Variants in RREB1 observed in about 807,000 individuals in gnomAD.
RREB1 encodes the protein ras responsive element binding protein 1.
A neutral mutation model predicts 117.8 loss-of-function variants in RREB1; 27 were observed. The observed-to-expected ratio is 0.23, with a 90% CI of 0.17 to 0.32. The LOEUF (loss-of-function observed/expected upper bound fraction) is 0.32, where lower values mean the gene tolerates loss of function less well. Ranked by LOEUF, RREB1 falls within the 10% of genes least tolerant of loss-of-function variation. The pLI is 1.00. For missense variants in RREB1, 2,577 were observed against 2,378.2 expected (o/e 1.08, Z -1.74); for synonymous variants, 1,298 against 1,026.7 (o/e 1.26, Z -5.05).
At chr6:7,148,255 C>G (rs891408999) in intron 1 of RREB1, among the ~76,000 whole-genome samples, 1 of 152,132 alleles carries the variant, frequency 6.6e-6, no homozygotes, top group Non-Finnish European at 1.5e-5. Context: ...CCCTGGCCAC[C>G]TTGTCTCACA....
chr6:7,160,892 G>A (rs1172078592), intron 1 of RREB1, among the ~76,000 whole-genome samples: 1 of 152,000 alleles, frequency 6.6e-6, no homozygotes, highest in Non-Finnish European at 1.5e-5. Context: ...CACTTTGTTG[G>A]CCAGGATGGT....
intron 1 of RREB1, among the ~76,000 whole-genome samples, chr6:7,161,764 C>A (rs1047439227): frequency 6.6e-6 from 1 of 152,216 alleles, no homozygotes; most frequent in South Asian, 2.1e-4. Flanking sequence ...CCTTCATTCT[C>A]GACGCCTGCC....
At chr6:7,136,754 C>A (rs1762363558) in intron 1 of RREB1, among the ~76,000 whole-genome samples, 1 of 152,136 alleles carries the variant, frequency 6.6e-6, no homozygotes, top group South Asian at 2.1e-4. Flanking sequence ...GCATAAATAT[C>A]TTTATTCAGG....
chr6:7,159,327 G>A (rs930790028), intron 1 of RREB1, among the ~76,000 whole-genome samples: 5 of 152,080 alleles, frequency 3.3e-5, no homozygotes, highest in African/African-American at 1.2e-4. Flanking sequence ...GCCTAGATGT[G>A]TTCACAGTCA....
chr6:7,220,934 G>A (rs1274381708), intron 8 of RREB1, among the ~76,000 whole-genome samples: 1 of 152,182 alleles, frequency 6.6e-6, no homozygotes, highest in Non-Finnish European at 1.5e-5. Context: ...AGCCGGCTTT[G>A]CATCCAGCAG....
At chr6:7,133,311 T>G (rs975302110) in intron 1 of RREB1, among the ~76,000 whole-genome samples, 2 of 152,190 alleles carry the variant, frequency 1.3e-5, no homozygotes, top group Non-Finnish European at 2.9e-5. Context: ...TGTATGAACT[T>G]TTGTGGTGGA....
intron 1 of RREB1, among the ~76,000 whole-genome samples, chr6:7,141,196 G>C (rs919797003): frequency 1.3e-5 from 2 of 152,116 alleles, no homozygotes; most frequent in African/African-American, 2.4e-5. Context: ...CCATCAGTCA[G>C]GGCGGCGGGC....
intron 1 of RREB1, among the ~76,000 whole-genome samples, chr6:7,163,908 G>C (rs1581475033): frequency 6.6e-6 from 1 of 152,234 alleles, no homozygotes; most frequent in Non-Finnish European, 1.5e-5. Context: ...GGTTGTTCCT[G>C]ACTTCGTGGC....
rs1192049045 is a variant in RREB1 at position 7,134,071 on chromosome 6, G to A, written c.-285+26011G>A. On this transcript the variant is annotated intron_variant, in intron 1 of 12. Coordinates refer to ENST00000379938, the MANE Select transcript of RREB1 (RefSeq NM_001003699.4). Reference sequence around the variant, plus strand: ...CATAGGCTAATGTTATAATTATTTTGCATTCCCTGGGCACTCATTGTGTGA... The same window carrying A: ...CATAGGCTAATGTTATAATTATTTTACATTCCCTGGGCACTCATTGTGTGA... 3.3e-5 allele frequency among the ~76,000 whole-genome samples: 5 copies of A among 152,214 alleles called. No individual in the cohort carries two copies. In the East Asian group the frequency reaches 7.7e-4, roughly 23 times the overall value.
rs766450653 is a variant in RREB1, at chr6:7,230,959, A to G, written c.2860A>G (p.Ser954Gly). 2.5e-6 allele frequency: 4 copies of G among 1,614,044 alleles called. No individual in the cohort carries two copies. The East Asian group carries it at 6.7e-5, about 27-fold the overall frequency. Residue 954 changes from serine (S) to glycine (G), a missense_variant, in exon 10 of 13, where the codon AGC becomes GGC. Physicochemically the swap from Ser to Gly is moderately conservative, Grantham distance 56. Transcript: ENST00000379938. ...AGGGGACAAGGATTTGGCCACTCCCAGCGAAGCCAAGAAGCCTGAGGAGGA... is the reference window on the plus strand; with the variant it reads ...AGGGGACAAGGATTTGGCCACTCCCGGCGAAGCCAAGAAGCCTGAGGAGGA... ...RKGDKDLATP[S>G]EAKKPEEEAG...
intron 1 of RREB1, among the ~76,000 whole-genome samples, chr6:7,170,652 G>A (rs1048489929): frequency 6.6e-6 from 1 of 152,222 alleles, no homozygotes; most frequent in Non-Finnish European, 1.5e-5. Context: ...ATGTGTGTTT[G>A]TTCCTGAGGA....
At chr6:7,217,656 T>C (rs2113039576) in intron 8 of RREB1, 1 of 152,318 alleles carries the variant, frequency 6.6e-6, no homozygotes, top group African/African-American at 2.4e-5. Flanking sequence ...TTGAAGGCTG[T>C]TGTGAGGATG....
In RREB1 at chr6:7,230,315, G is replaced by C; in HGVS notation, c.2216G>C (p.Ser739Thr). 5 of 1,589,736 alleles carry C rather than the reference G, an allele frequency of 3.1e-6. No homozygotes were observed. Among genetic ancestry groups the C allele is most frequent in the Non-Finnish European group, 4.3e-6 (5 of 1,173,150 alleles). ...DIEKNIEYVS[S>T]SAAELVDAFC... The stretch of plus-strand genomic sequence containing the variant: ...GAGAAGAACATCGAGTATGTGAGTA[G>C]CAGCGCGGCCGAGCTGGTGGACGCC... Residue 739 changes from serine to threonine, a missense_variant, in exon 10 of 13, where the codon AGC becomes ACC. Transcript: ENST00000379938.
rs368606725 is a variant in RREB1 at position 7,229,384 on chromosome 6, G to T, written c.1285G>T (p.Ala429Ser). ...AGGCGGTTCTCTCACAGTTCTCCCC[G>T]CGACCAAGGACAGCATAAAGCACCT... Reference protein sequence around the residue: ...SLGGSLTVLPATKDSIKHLSL... With the variant: ...SLGGSLTVLPSTKDSIKHLSL... Residue 429 changes from alanine to serine, a missense_variant, in exon 10 of 13, where the codon GCG becomes TCG. By Grantham distance (99) the Ala-to-Ser change is moderately conservative. Transcript: ENST00000379938. The surrounding 1 kb of genome is among the most constrained non-coding windows in gnomAD (Gnocchi z 4.5). 1 of 1,613,956 alleles carries T rather than the reference G, an allele frequency of 6.2e-7. No individual in the cohort carries two copies. The highest frequency in any genetic ancestry group is 8.5e-7 in the Non-Finnish European group (1 of 1,179,960).
At chr6:7,134,937 C>T (rs1762289942) in intron 1 of RREB1, among the ~76,000 whole-genome samples, 1 of 152,224 alleles carries the variant, frequency 6.6e-6, no homozygotes, top group Admixed American at 6.5e-5. Context: ...GTTTCCAGAG[C>T]AGCCCTTGAT....
chr6:7,162,044 C>T (rs1763694212), intron 1 of RREB1, among the ~76,000 whole-genome samples: 1 of 152,182 alleles, frequency 6.6e-6, no homozygotes, highest in Non-Finnish European at 1.5e-5. Flanking sequence ...CAGCATCATT[C>T]TGCCAGCCGC....
At chr6:7,206,197 G>A (rs1766261663) in intron 6 of RREB1, among the ~76,000 whole-genome samples, 2 of 152,238 alleles carry the variant, frequency 1.3e-5, no homozygotes, top group Non-Finnish European at 2.9e-5. Context: ...TGTAGGTATT[G>A]TTTTGAATGA....
chr6:7,240,247 T>C (rs1344154634), intron 10 of RREB1, among the ~76,000 whole-genome samples, 191 bp from the exon 11 acceptor site: 1 of 152,032 alleles, frequency 6.6e-6, no homozygotes, highest in Non-Finnish European at 1.5e-5. Context: ...TCCATTCAAC[T>C]TAGGAAAAGG....
At chr6:7,114,562 C>G (rs1677320217) in intron 1 of RREB1, among the ~76,000 whole-genome samples, 1 of 152,054 alleles carries the variant, frequency 6.6e-6, no homozygotes, top group African/African-American at 2.4e-5. Flanking sequence ...AGAACGACCC[C>G]CATACGTCAG....
Sources: allele counts gnomAD v4.1 joint callset (sites outside exome capture counted in the v4.1 genomes callset), GRCh38; gene constraint gnomAD v4.1.1; non-coding constraint Gnocchi (gnomAD v3.1); transcripts MANE v1.5; gene names NCBI Gene and HGNC (gene_info 2026-07-23, HGNC 2026-07-21).